Variants in PTPRN2 observed in about 807,000 individuals in gnomAD.
PTPRN2 encodes receptor-type tyrosine-protein phosphatase N2.
A neutral mutation model predicts 118.8 loss-of-function variants in PTPRN2; 74 were observed. That is an observed-to-expected ratio of 0.62 (90% confidence interval 0.52 to 0.76). The LOEUF (loss-of-function observed/expected upper bound fraction) is 0.76, where lower values mean the gene tolerates loss of function less well. Ranked by LOEUF, PTPRN2 falls within the 30% of genes least tolerant of loss-of-function variation. The pLI is 0.00. For missense variants in PTPRN2, 1,481 were observed against 1,394.4 expected (o/e 1.06, Z -0.99); for synonymous variants, 641 against 608.0 (o/e 1.05, Z -0.80).
chr7:158,146,268 T>C (rs1025708403), intron 6 of PTPRN2, among the ~76,000 whole-genome samples: 1 of 152,138 alleles, frequency 6.6e-6, no homozygotes, highest in Non-Finnish European at 1.5e-5. Flanking sequence ...TCTGCCAAAA[T>C]ATTAACCAAA....
At position 157,927,909 on chromosome 7, in the gene PTPRN2, A is replaced by C. The variant is rs1799119930; in HGVS notation, c.1724-29172T>G. Among the ~76,000 whole-genome samples the C allele has an allele frequency of 2.0e-5, 3 of 152,160 alleles. No individual in the cohort carries two copies. In the East Asian group the frequency reaches 5.8e-4, roughly 30 times the overall value. ...AATTCACGCTTGTGGGCAATTCATG[A>C]AGAAGAGAGGTGCACATCACTACCT... On this transcript the variant is annotated intron_variant, in intron 11 of 22. Coordinates refer to ENST00000389418, the MANE Select transcript of PTPRN2 (RefSeq NM_002847.5).
chr7:158,445,700 G>T (rs921648147), intron 2 of PTPRN2, among the ~76,000 whole-genome samples: 3 of 152,246 alleles, frequency 2.0e-5, no homozygotes, highest in African/African-American at 7.2e-5. Flanking sequence ...CGCATCTTGG[G>T]GTCTATGCTG....
In PTPRN2 at chr7:157,929,437, T is replaced by C. The variant is rs1799235735; in HGVS notation, c.1724-30700A>G. On this transcript the variant is annotated intron_variant, in intron 11 of 22. Coordinates refer to ENST00000389418, the MANE Select transcript of PTPRN2 (RefSeq NM_002847.5). This position sits in a 1 kb window ranked among gnomAD's most constrained non-coding sequence, Gnocchi z 4.4. ...GCTTCAGTCCTCGGTTTGTTCCTTT[T>C]AGGAGGAAGCCACCGGATCGTTTCC... Among the ~76,000 whole-genome samples the C allele has an allele frequency of 6.6e-6, 1 of 152,078 alleles. No homozygotes were observed. Among genetic ancestry groups the C allele is most frequent in the African/African-American group, 2.4e-5 (1 of 41,410 alleles).
rs1378115540 is a variant in PTPRN2, at chr7:157,810,344, TGAC to T, written c.1788+88326_1788+88328del. On this transcript the variant is annotated intron_variant, in intron 12 of 22. Transcript: ENST00000389418. Reference sequence around the variant, plus strand: ...CCCTGGCACTGGGGGCTCTGCAACTTGACGAGGCTATGCCAGGCTGGGCTAGAG... The same window carrying T: ...CCCTGGCACTGGGGGCTCTGCAACTTGAGGCTATGCCAGGCTGGGCTAGAG... Among the ~76,000 whole-genome samples, 7 of 152,282 alleles carry T rather than the reference TGAC, an allele frequency of 4.6e-5. No homozygotes were observed. The East Asian group carries it at 1.4e-3, about 29-fold the overall frequency.
In PTPRN2 at chr7:157,874,374, ACCCAG is replaced by A. The variant is rs1584926671; in HGVS notation, c.1788+24294_1788+24298del. The stretch of plus-strand genomic sequence containing the variant: ...GACACACGCAGGTGAAGTGGACCTG[ACCCAG>A]CTCCTGCTTTCTGCCCCCTCCTGTC... On this transcript the variant is annotated intron_variant, in intron 12 of 22. Transcript: ENST00000389418. The surrounding 1 kb of genome is among the most constrained non-coding windows in gnomAD (Gnocchi z 5.8). Among the ~76,000 whole-genome samples, 3 of 152,028 alleles carry A rather than the reference ACCCAG, an allele frequency of 2.0e-5. 1 individual carries two copies. The highest frequency in any genetic ancestry group is 1.3e-4 in the Admixed American group (2 of 15,276).
intron 2 of PTPRN2, among the ~76,000 whole-genome samples, chr7:158,452,136 C>T (rs1255783082): frequency 1.3e-5 from 2 of 152,184 alleles, no homozygotes; most frequent in Admixed American, 6.5e-5. Flanking sequence ...CGTCTGTTCC[C>T]CACTCTGGCT....
At chr7:158,071,388 G>GTA (rs1554528329) in intron 11 of PTPRN2, among the ~76,000 whole-genome samples, 3 of 101,414 alleles carry the variant, frequency 3.0e-5, no homozygotes, top group Admixed American at 9.2e-5. Context: ...GGTGCTCGTG[G>GTA]TGGAGGTGCT....
At chr7:158,356,760 C>A (rs2151278965) in intron 2 of PTPRN2, among the ~76,000 whole-genome samples, 1 of 146,436 alleles carries the variant, frequency 6.8e-6, no homozygotes, top group Middle Eastern at 3.4e-3. Context: ...CAATTCATAA[C>A]ATAACAAAGC....
At chr7:158,531,235 C>T (rs1041874145) in intron 1 of PTPRN2, among the ~76,000 whole-genome samples, 19 of 152,196 alleles carry the variant, frequency 1.2e-4, no homozygotes, top group Non-Finnish European at 1.8e-4. Context: ...GCTCAGGTAA[C>T]GGCTTCCCAG....
rs1014710930 is a variant in PTPRN2, at chr7:157,903,095, C to T, written c.1724-4358G>A. ...CCACACGCTGCCACACACTCTCACACGGAAGCAGGAACCAGACATCATCAG... is the reference window on the plus strand; with the variant it reads ...CCACACGCTGCCACACACTCTCACATGGAAGCAGGAACCAGACATCATCAG... On this transcript the variant is annotated intron_variant, in intron 11 of 22. Transcript: ENST00000389418. This position sits in a 1 kb window ranked among gnomAD's most constrained non-coding sequence, Gnocchi z 4.2. 5.9e-5 allele frequency among the ~76,000 whole-genome samples: 9 copies of T among 152,090 alleles called. No individual in the cohort carries two copies. Among genetic ancestry groups the T allele is most frequent in the Non-Finnish European group, 1.0e-4 (7 of 68,030 alleles).
At chr7:157,570,859 A>T (rs987272755) in intron 20 of PTPRN2, among the ~76,000 whole-genome samples, 6 of 152,188 alleles carry the variant, frequency 3.9e-5, no homozygotes, top group African/African-American at 1.4e-4. Flanking sequence ...TTTCTGTGTC[A>T]TGGGACCACA....
At chr7:157,863,947 C>T (rs1254474883) in intron 12 of PTPRN2, 1 of 152,234 alleles carries the variant, frequency 6.6e-6, no homozygotes, top group East Asian at 1.9e-4. Context: ...TTAAGCTGCC[C>T]TGTCTGTGGG....
At chr7:158,418,523 A>G (rs60941266) in intron 2 of PTPRN2, among the ~76,000 whole-genome samples, 3,234 of 45,986 alleles carry the variant, frequency 0.07, 52 homozygotes, top group East Asian at 0.24. Flanking sequence ...GTTAAGTCAC[A>G]GTGTACTACA....
chr7:158,437,964 C>T (rs1190025308), intron 2 of PTPRN2, among the ~76,000 whole-genome samples: 1 of 152,220 alleles, frequency 6.6e-6, no homozygotes, highest in African/African-American at 2.4e-5. Flanking sequence ...TTCACTGCCT[C>T]TTCTCCACAG....
chr7:157,936,594 C>T (rs1397587987), intron 11 of PTPRN2, among the ~76,000 whole-genome samples: 1 of 143,544 alleles, frequency 7.0e-6, no homozygotes, highest in Non-Finnish European at 1.6e-5. Context: ...GGTCGGACAC[C>T]TCCCGTGTCT....
chr7:158,390,360 C>G (rs1811830658), intron 2 of PTPRN2, among the ~76,000 whole-genome samples: 1 of 152,212 alleles, frequency 6.6e-6, no homozygotes, highest in Non-Finnish European at 1.5e-5. Context: ...CGCAGCCGAA[C>G]CAATTTGCTT....
chr7:158,183,450 G>C (rs1164392020), intron 5 of PTPRN2, among the ~76,000 whole-genome samples: 3 of 152,142 alleles, frequency 2.0e-5, no homozygotes, highest in South Asian at 4.2e-4. Context: ...ATGGCCAAGG[G>C]AGTTTGTCCC....
intron 4 of PTPRN2, among the ~76,000 whole-genome samples, chr7:158,202,365 G>A (rs527453918): frequency 6.6e-5 from 10 of 152,170 alleles, no homozygotes; most frequent in African/African-American, 2.2e-4. Flanking sequence ...TGTCAGAGTC[G>A]GGCATGAGGA....
chr7:157,650,391 G>A (rs1449522206), intron 14 of PTPRN2, among the ~76,000 whole-genome samples: 1 of 152,228 alleles, frequency 6.6e-6, no homozygotes, highest in Non-Finnish European at 1.5e-5. Context: ...CAGCTTTCCT[G>A]CAAAAATAGG....
Sources: allele counts gnomAD v4.1 joint callset (sites outside exome capture counted in the v4.1 genomes callset), GRCh38; gene constraint gnomAD v4.1.1; non-coding constraint Gnocchi (gnomAD v3.1); transcripts MANE v1.5; gene names NCBI Gene and HGNC (gene_info 2026-07-23, HGNC 2026-07-21).